The following MAP9 variants were observed in gnomAD, a reference collection of about 807,000 sequenced individuals.
MAP9 encodes microtubule-associated protein 9.
MAP9 carries 80 observed loss-of-function variants against 75.2 expected under a neutral mutation model. The observed-to-expected ratio is 1.06, with a 90% confidence interval of 0.89 to 1.28. The LOEUF is 1.28. Among genes scored for constraint, MAP9 ranks in the 50% most tolerant of loss-of-function variants. The probability of loss-of-function intolerance (pLI) is 0.00; values close to 1 mark genes in which losing one functional copy is unlikely to be tolerated. For synonymous variants in MAP9, 235 were observed against 237.3 expected, an observed-to-expected ratio of 0.99 and a Z score of 0.09; for missense variants, 753 against 719.9, an observed-to-expected ratio of 1.05 and a Z score of -0.53.
chr4:155,362,065 C>A lies in MAP9; in HGVS notation c.785G>T (p.Gly262Val). The A allele has an allele frequency of 1.3e-6, 2 of 1,598,208 alleles. No individual in the cohort carries two copies. Among genetic ancestry groups the A allele is most frequent in the Non-Finnish European group, 1.7e-6 (2 of 1,171,812 alleles). Reference sequence around the variant, plus strand: ...ATAACCACCTTTTCCAGATGCGTTTCCCTCAGATCCTGGTGAAAAAGAATC... The same window carrying A: ...ATAACCACCTTTTCCAGATGCGTTTACCTCAGATCCTGGTGAAAAAGAATC... ...LGDSFSPGSE[G>V]NASGKDPNEE... is the part of the protein sequence containing the mutation. The change falls in exon 6 of 14, where the codon GGA (glycine) becomes GTA (valine). Residue 262 changes from glycine (G) to valine (V), a missense_variant. Coordinates refer to ENST00000311277, the MANE Select transcript of MAP9 (RefSeq NM_001039580.2).
At chr4:155,352,479 G>A in intron 13 of MAP9, 117 bp downstream of exon 13, 1 of 1,001,212 alleles carries the variant, frequency 1.0e-6, no homozygotes, top group East Asian at 2.8e-5. Flanking sequence ...ATTCAACAAA[G>A]CAGATTCCAG....
rs1215076065 is a variant in MAP9 at position 155,342,848 on chromosome 4, T to C, written c.*4935A>G. The C allele has an allele frequency of 1.3e-5, 2 of 152,008 alleles. No individual in the cohort carries two copies. The highest frequency in any genetic ancestry group is 1.3e-4 in the Admixed American group (2 of 15,226). 9.4% of individuals were successfully genotyped at this position (152,008 alleles called of 1,614,324 possible). ...AGTTTTCTGATATTGTAATACTAGA[T>C]ACAAGATGTCTGAATAACTCCTTAC... On this transcript the variant is annotated 3_prime_UTR_variant, in exon 14 of 14. Coordinates refer to ENST00000311277, the MANE Select transcript of MAP9 (RefSeq NM_001039580.2).
chr4:155,374,089 C>A (rs1732725663), intron 3 of MAP9, among the ~76,000 whole-genome samples: 2 of 152,028 alleles, frequency 1.3e-5, no homozygotes, highest in South Asian at 2.1e-4. Context: ...ACCTATAATC[C>A]CAGCACTTTG....
At chr4:155,355,602 T>G (rs1731741564) in intron 9 of MAP9, 114 bp downstream of exon 9, 1 of 762,332 alleles carries the variant, frequency 1.3e-6, no homozygotes, top group Non-Finnish European at 1.9e-6. Context: ...TCTTTCTCAA[T>G]AAATTTAAGT....
rs1424625083 is a variant in MAP9, at chr4:155,363,341, C to A, written c.709-1200G>T. 8 of 152,118 alleles carry A rather than the reference C, an allele frequency of 5.3e-5. No homozygotes were observed. In the East Asian group the frequency reaches 1.5e-3, roughly 29 times the overall value. The allele number at this position is 152,118 out of a possible 1,614,324, so 9.4% of individuals were successfully genotyped here. On this transcript the variant is annotated intron_variant, in intron 5 of 13. Transcript: ENST00000311277. ...AGAATACAGAATCTCTACAAAATAT[C>A]ATTCAGAACACCCGGTATTCAATCA...
intron 9 of MAP9, 49 bp downstream of exon 9, chr4:155,355,667 T>A: frequency 1.4e-6 from 2 of 1,426,310 alleles, no homozygotes; most frequent in Non-Finnish European, 1.9e-6. Context: ...CAGTGTAGGC[T>A]TATGAAAGTG....
At chr4:155,357,208 G>C in intron 8 of MAP9, 1 of 444,864 alleles carries the variant, frequency 2.2e-6, no homozygotes. Context: ...CAAAGGTATT[G>C]CATAAACATT....
chr4:155,376,853 T>G lies in MAP9; in HGVS notation c.-147A>C, dbSNP rs1578868715. On this transcript the variant is annotated 5_prime_UTR_variant, in exon 1 of 14. Transcript: ENST00000311277. The stretch of plus-strand genomic sequence containing the variant: ...GGCTAATAACAGAGGCGGAGGGCGG[T>G]TGCTAGGAAACAGCGTCTTCGGGAG... 6.6e-6 allele frequency: 1 copy of G among 152,430 alleles called. No homozygotes were observed. The highest frequency in any genetic ancestry group is 2.1e-4 in the South Asian group (1 of 4,792). 9.4% of individuals were successfully genotyped at this position (152,430 alleles called of 1,614,324 possible).
chr4:155,354,847 A>T (rs1244901226), intron 10 of MAP9, among the ~76,000 whole-genome samples: 3 of 152,216 alleles, frequency 2.0e-5, no homozygotes, highest in Non-Finnish European at 4.4e-5. Context: ...AATCAGCAGG[A>T]ACAAAGCTAT....
intron 6 of MAP9, 30 bp from the exon 7 acceptor site, chr4:155,360,445 AC>A: frequency 6.4e-7 from 1 of 1,563,744 alleles, no homozygotes. Flanking sequence ...TAGCATTAAA[AC>A]CCCCTTCTGA....
chr4:155,376,728 A>T (rs1178021765), intron 1 of MAP9, 43 bp downstream of exon 1: 3 of 153,010 alleles, frequency 2.0e-5, no homozygotes, highest in Non-Finnish European at 4.4e-5. Flanking sequence ...GTTCTCCGCG[A>T]CCCTGAGAAT....
At chr4:155,371,692 C>A (rs573531988) in intron 4 of MAP9, among the ~76,000 whole-genome samples, 1 of 149,862 alleles carries the variant, frequency 6.7e-6, no homozygotes, top group Non-Finnish European at 1.5e-5. Context: ...ACAGTATTTT[C>A]TTATTCATTG....
chr4:155,342,831 G>C lies in MAP9; in HGVS notation c.*4952C>G, dbSNP rs1199658626. On this transcript the variant is annotated 3_prime_UTR_variant, in exon 14 of 14. Coordinates refer to ENST00000311277, the MANE Select transcript of MAP9 (RefSeq NM_001039580.2). Reference sequence around the variant, plus strand: ...TGTCATATAACCTGCTGAGTTTTCTGATATTGTAATACTAGATACAAGATG... The same window carrying C: ...TGTCATATAACCTGCTGAGTTTTCTCATATTGTAATACTAGATACAAGATG... 2 of 151,608 alleles carry C rather than the reference G, an allele frequency of 1.3e-5. No individual in the cohort carries two copies. The highest frequency in any genetic ancestry group is 6.6e-5 in the Admixed American group (1 of 15,176). 9.4% of individuals were successfully genotyped at this position (151,608 alleles called of 1,614,324 possible). A position where few individuals can be genotyped will look rare whatever the true frequency, so the allele number is the denominator to read the frequency against.
At chr4:155,351,231 C>T (rs1396545393) in intron 13 of MAP9, 1 of 151,620 alleles carries the variant, frequency 6.6e-6, no homozygotes, top group African/African-American at 2.4e-5. Context: ...GAAGTAGCAC[C>T]TCAAATCAAT....
intron 7 of MAP9, among the ~76,000 whole-genome samples, chr4:155,359,506 A>G (rs1560808850): frequency 1.3e-5 from 2 of 152,000 alleles, no homozygotes; most frequent in Admixed American, 6.6e-5. Context: ...GTTTATACTA[A>G]AAGTCTGACT....
intron 5 of MAP9, chr4:155,368,385 G>T: frequency 1.6e-6 from 1 of 615,726 alleles, no homozygotes; most frequent in Non-Finnish European, 2.9e-6. Flanking sequence ...GTAAAATAAT[G>T]CTACGTCTTA....
Position 155,347,250 on chromosome 4 carries a change from T to A in MAP9, c.*533A>T, listed in dbSNP as rs2111174084. On this transcript the variant is annotated 3_prime_UTR_variant, in exon 14 of 14. Transcript: ENST00000311277. The stretch of plus-strand genomic sequence containing the variant: ...AAAGCCTTGATGATTAGAGTTCTAC[T>A]GAGCTACTGCCTCAACTGATGAAAA... 1 of 152,346 alleles carries A rather than the reference T, an allele frequency of 6.6e-6. No homozygotes were observed. The highest frequency in any genetic ancestry group is 2.1e-4 in the South Asian group (1 of 4,826). The allele number at this position is 152,346 out of a possible 1,614,324, so 9.4% of individuals were successfully genotyped here. A position where few individuals can be genotyped will look rare whatever the true frequency, so the allele number is the denominator to read the frequency against.
intron 4 of MAP9, among the ~76,000 whole-genome samples, chr4:155,369,192 G>A (rs991986413): frequency 4.0e-5 from 6 of 151,740 alleles, no homozygotes; most frequent in South Asian, 2.1e-4. Flanking sequence ...GCTTAGTAGC[G>A]CGTGCCTGTA....
chr4:155,375,360 A>G (rs1732795003), intron 2 of MAP9, among the ~76,000 whole-genome samples: 1 of 152,168 alleles, frequency 6.6e-6, no homozygotes, highest in African/African-American at 2.4e-5. Flanking sequence ...AAAAACTGGT[A>G]TTTTGAAAGA....
Sources: gnomAD v4.1 joint callset for allele counts (sites outside exome capture counted in the v4.1 genomes callset) on GRCh38, gnomAD v4.1.1 for gene constraint, MANE v1.5 for transcripts, NCBI Gene and HGNC (gene_info 2026-07-23, HGNC 2026-07-21) for gene names.